The following SLCO2A1 variants were observed in gnomAD, a reference collection of about 807,000 sequenced individuals.
SLCO2A1 encodes solute carrier organic anion transporter family member 2A1.
SLCO2A1 carries 60 observed loss-of-function variants against 71.7 expected under a neutral mutation model. The ratio of observed to expected loss-of-function variants is 0.84; its 90% CI spans 0.68 to 1.04. The LOEUF (loss-of-function observed/expected upper bound fraction) is 1.04. SLCO2A1 is among the 50% of genes least tolerant of loss of function. The probability of loss-of-function intolerance (pLI) is 0.00; values close to 1 mark genes in which losing one functional copy is unlikely to be tolerated. For missense variants in SLCO2A1, 745 were observed against 813.4 expected (o/e 0.92, Z 1.02); for synonymous variants, 308 against 326.7 (o/e 0.94, Z 0.62).
intron 1 of SLCO2A1, among the ~76,000 whole-genome samples, chr3:133,993,739 T>C (rs1249385226): frequency 6.6e-6 from 1 of 152,230 alleles, no homozygotes; most frequent in African/African-American, 2.4e-5. Context: ...GAACCTGCTT[T>C]GCATCCATTT....
In SLCO2A1 at chr3:133,934,689, G is replaced by A. The variant is rs769390420; in HGVS notation, c.*24C>T. 7.3e-6 allele frequency: 11 copies of A among 1,514,708 alleles called. No homozygotes were observed. Among genetic ancestry groups the A allele is most frequent in the Admixed American group, 1.7e-5 (1 of 59,828 alleles). The allele number at this position is 1,514,708 out of a possible 1,614,324, so 93.8% of individuals were successfully genotyped here. ...GAAGAGTCAAGGTCCACTCTCTGGA[G>A]CAGGGCAGTGGCCCAGGGTGGGGTC... On this transcript the variant is annotated 3_prime_UTR_variant, in exon 14 of 14. Coordinates refer to ENST00000310926, the MANE Select transcript of SLCO2A1 (RefSeq NM_005630.3).
chr3:133,940,517 G>A (rs1169897599), intron 11 of SLCO2A1, among the ~76,000 whole-genome samples: 1 of 152,156 alleles, frequency 6.6e-6, no homozygotes, highest in Non-Finnish European at 1.5e-5. Context: ...ATTTGACAGG[G>A]ATTGCCCTTC....
chr3:133,954,262 G>T (rs4854597), intron 4 of SLCO2A1, among the ~76,000 whole-genome samples: 2 of 149,840 alleles, frequency 1.3e-5, no homozygotes, highest in South Asian at 4.2e-4. Flanking sequence ...TCCTGGGTTC[G>T]AGTGATTCTC....
chr3:133,965,626 A>AGCGGTTGGAAGGGTGATACCTG (rs141993168), intron 3 of SLCO2A1, among the ~76,000 whole-genome samples: 51,266 of 151,864 alleles, frequency 0.34, 8,832 homozygotes, highest in South Asian at 0.43. Context: ...TCAGCTAGTC[A>AGCGGTTGGAAGGGTGATACCTG]GCTTGGCACA....
In SLCO2A1 at chr3:133,992,984, C is replaced by G. The variant is rs74498938; in HGVS notation, c.97-13366G>C. Among the ~76,000 whole-genome samples the G allele has an allele frequency of 5.5e-3, 841 of 152,330 alleles. 52 individuals carry two copies. The East Asian group carries it at 0.15, about 26-fold the overall frequency. ...GCTGTCACACTGACCCTGCACTGAG[C>G]TGTTAACACTTAAGCCGTCCACAGA... On this transcript the variant is annotated intron_variant, in intron 1 of 13. Transcript: ENST00000310926.
At chr3:133,955,248 C>T in intron 3 of SLCO2A1, 55 bp from the exon 4 acceptor site, 1 of 1,511,192 alleles carries the variant, frequency 6.6e-7, no homozygotes, top group Non-Finnish European at 9.0e-7. Flanking sequence ...GTTCCACCGG[C>T]TGGCCTCCAA....
intron 11 of SLCO2A1, among the ~76,000 whole-genome samples, chr3:133,942,134 C>T (rs1253281895): frequency 6.6e-6 from 1 of 152,240 alleles, no homozygotes; most frequent in Non-Finnish European, 1.5e-5. Context: ...GCTGGGATTA[C>T]AGGCACTGGC....
At chr3:134,012,926 C>A (rs534757477) in intron 1 of SLCO2A1, among the ~76,000 whole-genome samples, 1 of 152,204 alleles carries the variant, frequency 6.6e-6, no homozygotes, top group Non-Finnish European at 1.5e-5. Flanking sequence ...GTGACCAACT[C>A]GTTCCAATTT....
chr3:133,991,364 T>C (rs965008301), intron 1 of SLCO2A1, among the ~76,000 whole-genome samples: 16 of 152,150 alleles, frequency 1.1e-4, no homozygotes, highest in African/African-American at 3.9e-4. Flanking sequence ...GGTGTGGCTG[T>C]GAATCTAAAC....
intron 1 of SLCO2A1, among the ~76,000 whole-genome samples, chr3:134,020,088 C>G (rs1478723523): frequency 6.6e-6 from 1 of 152,102 alleles, no homozygotes; most frequent in African/African-American, 2.4e-5. Context: ...AAATCCCTAT[C>G]CTGTTTTGTT....
At chr3:133,960,113 C>T (rs911221371) in intron 3 of SLCO2A1, among the ~76,000 whole-genome samples, 15 of 147,800 alleles carry the variant, frequency 1.0e-4, no homozygotes, top group Admixed American at 8.1e-4. Flanking sequence ...GAGCGAGACT[C>T]CGTCTCAAAA....
chr3:134,003,927 A>C (rs1935151251), intron 1 of SLCO2A1, among the ~76,000 whole-genome samples: 1 of 152,172 alleles, frequency 6.6e-6, no homozygotes, highest in Non-Finnish European at 1.5e-5. Flanking sequence ...AGAAGGAGAG[A>C]GAGGGAAAAA....
At position 133,942,753 on chromosome 3, in the gene SLCO2A1, T is replaced by G. The variant is rs373119870; in HGVS notation, c.1477A>C (p.Ser493Arg). 2 of 1,605,252 alleles carry G rather than the reference T, an allele frequency of 1.2e-6. No individual in the cohort carries two copies. Among genetic ancestry groups the G allele is most frequent in the Non-Finnish European group, 1.7e-6 (2 of 1,176,892 alleles). Residue 493 changes from serine (S) to arginine (R), a missense_variant, in exon 11 of 14, where the codon AGC becomes CGC. Physicochemically the swap from Ser to Arg is moderately radical, Grantham distance 110. Transcript: ENST00000310926. ...GAAGCGGATCCCCCGGTCACACAGC[T>G]GCAGTTCAAATAGATCTTCAAGAGG... ...TSKQLIYLNC[S>R]CVTGGSASAK...
intron 3 of SLCO2A1, among the ~76,000 whole-genome samples, chr3:133,969,230 G>A (rs923122349): frequency 6.6e-6 from 1 of 152,192 alleles, no homozygotes; most frequent in Non-Finnish European, 1.5e-5. Flanking sequence ...AGGAGTTCGA[G>A]ATCAACCTGG....
chr3:133,992,138 T>C (rs1282234714), intron 1 of SLCO2A1, among the ~76,000 whole-genome samples: 1 of 152,192 alleles, frequency 6.6e-6, no homozygotes, highest in African/African-American at 2.4e-5. Flanking sequence ...AAAAATCACT[T>C]GAAGGTCATC....
intron 1 of SLCO2A1, among the ~76,000 whole-genome samples, chr3:133,983,216 AG>A (rs1934633634): frequency 6.6e-6 from 1 of 152,186 alleles, no homozygotes; most frequent in Non-Finnish European, 1.5e-5. Context: ...TGAGACCCTT[AG>A]TACCCCGACA....
At chr3:133,973,964 TAC>T (rs1051375683) in intron 2 of SLCO2A1, 139 bp from the exon 3 acceptor site, 2 of 886,020 alleles carry the variant, frequency 2.3e-6, no homozygotes, top group Non-Finnish European at 1.7e-6. Context: ...CAGACAGAGT[TAC>T]AGTGTCAGCT....
Position 133,938,500 on chromosome 3 carries a change from A to C in SLCO2A1, c.1626-7T>G. 6.2e-7 allele frequency: 1 copy of C among 1,614,060 alleles called. No homozygotes were observed. Among genetic ancestry groups the C allele is most frequent in the Non-Finnish European group, 8.5e-7 (1 of 1,179,950 alleles). ...TTCCTCCTGGTTCACCACACTGAAA[A>C]GACAGACAGGAAATCAGCAGTGGGA... is the stretch of plus-strand genomic sequence containing the variant. On this transcript the variant is annotated splice_polypyrimidine_tract_variant and splice_region_variant and intron_variant, in intron 11 of 13. Transcript: ENST00000310926.
Position 133,949,793 on chromosome 3 carries a change from C to T in SLCO2A1, c.862-822G>A, listed in dbSNP as rs368244929. 6.6e-5 allele frequency among the ~76,000 whole-genome samples: 10 copies of T among 152,262 alleles called. No individual in the cohort carries two copies. The East Asian group carries it at 9.6e-4, about 15-fold the overall frequency. On this transcript the variant is annotated intron_variant, in intron 6 of 13. Transcript: ENST00000310926. ...GAAGCTTAGGAACAAAGAAACTTGG[C>T]GAAGCTCACTCAGCTAGTTCATTGT...
Sources: allele counts gnomAD v4.1 joint callset (sites outside exome capture counted in the v4.1 genomes callset), GRCh38; gene constraint gnomAD v4.1.1; transcripts MANE v1.5; gene names NCBI Gene and HGNC (gene_info 2026-07-23, HGNC 2026-07-21).